Variants in SARDH observed in about 807,000 individuals in gnomAD.
SARDH encodes sarcosine dehydrogenase, mitochondrial.
In SARDH, 95 loss-of-function variants were observed where a neutral mutation model predicts 109.1. The observed-to-expected ratio is 0.87, with a 90% CI of 0.74 to 1.03. SARDH has a LOEUF of 1.03. SARDH is among the 50% of genes least tolerant of loss of function. The pLI, the probability that SARDH is intolerant of heterozygous loss-of-function variation, is 0.00. For missense variants in SARDH, 1,267 were observed against 1,287.8 expected, an observed-to-expected ratio of 0.98 and a Z score of 0.25; for synonymous variants, 572 against 534.8, an observed-to-expected ratio of 1.07 and a Z score of -0.96.
chr9:133,667,204 T>A (rs964430443), intron 19 of SARDH: 8 of 524,698 alleles, frequency 1.5e-5, no homozygotes, highest in Non-Finnish European at 2.3e-5. Context: ...GTTTTTTTTT[T>A]TTTTTTTTTT....
chr9:133,694,400 G>A (rs1204962192), intron 14 of SARDH, 29 bp from the exon 15 acceptor site: 1 of 1,524,866 alleles, frequency 6.6e-7, no homozygotes. Context: ...AGCCGGGTCT[G>A]TGCTGAGGCC....
rs998511029 is a variant in SARDH, at chr9:133,712,874, G to A, written c.1237+164C>T. The A allele has an allele frequency of 1.3e-5, 12 of 926,776 alleles. No homozygotes were observed. The highest frequency in any genetic ancestry group is 6.5e-5 in the African/African-American group (4 of 61,204). 57.4% of individuals were successfully genotyped at this position (926,776 alleles called of 1,614,324 possible). On this transcript the variant is annotated intron_variant, in intron 9 of 20. Transcript: ENST00000439388. This position sits in a 1 kb window ranked among gnomAD's most constrained non-coding sequence, Gnocchi z 4.1. The stretch of plus-strand genomic sequence containing the variant: ...TTGGACTGCTGCTGGACTGGACCCT[G>A]GCACAGGTGCACTCTCTGGGAAGCA...
intron 1 of SARDH, 66 bp from the exon 2 acceptor site, chr9:133,734,269 A>T: frequency 9.0e-7 from 1 of 1,106,528 alleles, no homozygotes. Flanking sequence ...CTGAGTACCC[A>T]GGGAAATAAG....
At chr9:133,716,770 C>T (rs917596306) in intron 8 of SARDH, among the ~76,000 whole-genome samples, 13 of 152,186 alleles carry the variant, frequency 8.5e-5, no homozygotes, top group Admixed American at 3.9e-4. Flanking sequence ...AACCTTCCCC[C>T]GCTGAGCTGG....
At chr9:133,694,398 C>T in intron 14 of SARDH, 27 bp from the exon 15 acceptor site, 1 of 1,529,848 alleles carries the variant, frequency 6.5e-7, no homozygotes, top group South Asian at 1.2e-5. Context: ...GAAGCCGGGT[C>T]TGTGCTGAGG....
Position 133,702,967 on chromosome 9 carries a change from G to A in SARDH, c.1617C>T (p.Arg539=). The change falls in exon 13 of 21, where the codon CGC becomes CGT. Residue 539 remains arginine (R), a synonymous_variant. Transcript: ENST00000439388. ...GSRAHEDYAY[R]RLLADEYTFA... ...AGGTGTACTCGTCTGCCAGCAGCCT[G>A]CGGTAGGCGTAGTCCTCGTGCGCGC... 6.2e-7 allele frequency: 1 copy of A among 1,613,448 alleles called. No individual in the cohort carries two copies. The highest frequency in any genetic ancestry group is 8.5e-7 in the Non-Finnish European group (1 of 1,180,006).
intron 7 of SARDH, 114 bp from the exon 8 acceptor site, chr9:133,717,569 T>G: frequency 7.0e-7 from 1 of 1,429,720 alleles, no homozygotes; most frequent in Non-Finnish European, 9.5e-7. Flanking sequence ...TCAGATGCAT[T>G]AGAGGGCTGG....
Position 133,686,466 on chromosome 9 carries a change from G to A in SARDH, c.2070-1180C>T, listed in dbSNP as rs1447907417. On this transcript the variant is annotated intron_variant, in intron 16 of 20. Transcript: ENST00000439388. The surrounding 1 kb of genome is among the most constrained non-coding windows in gnomAD (Gnocchi z 4.0). ...CTCCCTAGGTCTTGGGCAGGTACTC[G>A]TTGTCCAAGATCCCACAGTCTCCTG... 2.0e-5 allele frequency among the ~76,000 whole-genome samples: 3 copies of A among 152,164 alleles called. No homozygotes were observed. The highest frequency in any genetic ancestry group is 2.1e-4 in the South Asian group (1 of 4,818).
intron 15 of SARDH, among the ~76,000 whole-genome samples, chr9:133,690,795 C>T (rs1217654306): frequency 6.6e-6 from 1 of 152,172 alleles, no homozygotes; most frequent in Non-Finnish European, 1.5e-5. Context: ...AAGGGATGCC[C>T]CTACCCTGGG....
rs571031546 is a variant in SARDH at position 133,716,363 on chromosome 9, G to A, written c.1150+963C>T. Among the ~76,000 whole-genome samples the A allele has an allele frequency of 1.9e-4, 29 of 152,364 alleles. No homozygotes were observed. In the South Asian group the frequency reaches 6.0e-3, roughly 32 times the overall value. On this transcript the variant is annotated intron_variant, in intron 8 of 20. Coordinates refer to ENST00000439388, the MANE Select transcript of SARDH (RefSeq NM_001134707.2). Reference sequence around the variant, plus strand: ...GGAATGCTGGTGCTCTGGGGTCACCGGTAGCTCCTGGGCTGCCCCACACTC... The same window carrying A: ...GGAATGCTGGTGCTCTGGGGTCACCAGTAGCTCCTGGGCTGCCCCACACTC...
chr9:133,687,616 A>G (rs1830932561), intron 16 of SARDH, among the ~76,000 whole-genome samples: 1 of 151,734 alleles, frequency 6.6e-6, no homozygotes, highest in Non-Finnish European at 1.5e-5. Flanking sequence ...GTTTACATCC[A>G]CTAGTATTAA....
intron 10 of SARDH, among the ~76,000 whole-genome samples, chr9:133,710,921 AG>A (rs1482053184): frequency 6.6e-6 from 1 of 152,160 alleles, no homozygotes; most frequent in African/African-American, 2.4e-5. Context: ...TGGGACCAAC[AG>A]GGTGGGTGCT....
chr9:133,730,833 C>T (rs867505043), intron 4 of SARDH, among the ~76,000 whole-genome samples: 10 of 151,962 alleles, frequency 6.6e-5, no homozygotes, highest in South Asian at 4.2e-4. Context: ...AAAAATTAGA[C>T]GGGAGTGGTG....
chr9:133,697,875 G>A (rs538698719), intron 13 of SARDH, among the ~76,000 whole-genome samples: 74 of 152,036 alleles, frequency 4.9e-4, no homozygotes, highest in African/African-American at 1.8e-3. Flanking sequence ...ATTCAACATT[G>A]CACTGGAGGC....
chr9:133,685,393 G>A (rs1830850684), intron 16 of SARDH, 107 bp from the exon 17 acceptor site: 2 of 737,542 alleles, frequency 2.7e-6, no homozygotes, highest in East Asian at 2.7e-5. Context: ...CTGTCCTCAT[G>A]AGACAGATGA....
intron 11 of SARDH, among the ~76,000 whole-genome samples, chr9:133,707,873 G>A (rs1201793466): frequency 6.6e-6 from 1 of 152,140 alleles, no homozygotes; most frequent in Admixed American, 6.5e-5. Context: ...AAGAGCCTCC[G>A]CAGCAGGCTC....
rs377358890 is a variant in SARDH, at chr9:133,670,585, C to T, written c.2494G>A (p.Asp832Asn). 6.4e-6 allele frequency: 10 copies of T among 1,571,336 alleles called. No individual in the cohort carries two copies. The highest frequency in any genetic ancestry group is 1.9e-5 in the Admixed American group (1 of 53,966). The change falls in exon 19 of 21, where the codon GAC (aspartate) becomes AAC (asparagine). Residue 832 changes from aspartate (D) to asparagine (N), a missense_variant and splice_region_variant. Transcript: ENST00000439388. Reference sequence around the variant, plus strand: ...GGCGTGGAACAGCGGGATACTCACTCCTCCATGGTGAAGCACACCAGGCGC... The same window carrying T: ...GGCGTGGAACAGCGGGATACTCACTTCTCCATGGTGAAGCACACCAGGCGC... ...RRRLVCFTME[D>N]KVPMFGLEAI...
At chr9:133,726,433 C>T (rs948617744) in intron 6 of SARDH, among the ~76,000 whole-genome samples, 6 of 111,412 alleles carry the variant, frequency 5.4e-5, no homozygotes, top group South Asian at 3.1e-4. Context: ...CTTACCTCTG[C>T]TAGCACTACT....
intron 15 of SARDH, among the ~76,000 whole-genome samples, chr9:133,691,258 T>G (rs1283080036): frequency 1.3e-5 from 2 of 150,890 alleles, no homozygotes; most frequent in East Asian, 3.9e-4. Context: ...CCCCCCAGTC[T>G]GCAGCCATCC....
Sources: gnomAD v4.1 joint callset for allele counts (sites outside exome capture counted in the v4.1 genomes callset) on GRCh38, gnomAD v4.1.1 for gene constraint, Gnocchi (gnomAD v3.1) non-coding constraint, MANE v1.5 for transcripts, NCBI Gene and HGNC (gene_info 2026-07-23, HGNC 2026-07-21) for gene names.